Variants in OTUD4 observed in about 807,000 individuals in gnomAD.
OTUD4 encodes OTU domain-containing protein 4.
Under a neutral mutation model 130.4 loss-of-function variants are expected in OTUD4, and 24 were observed. The observed-to-expected ratio is 0.18, with a 90% CI of 0.13 to 0.26. The LOEUF (loss-of-function observed/expected upper bound fraction) is 0.26. Ranked by LOEUF, OTUD4 falls within the 10% of genes least tolerant of loss-of-function variation. OTUD4 has a pLI of 1.00. For missense variants in OTUD4, 1,031 were observed against 1,329.4 expected, an observed-to-expected ratio of 0.78 and a Z score of 3.49; for synonymous variants, 420 against 472.5, an observed-to-expected ratio of 0.89 and a Z score of 1.44.
At position 145,142,226 on chromosome 4, in the gene OTUD4, G is replaced by T. The variant is rs1240147663; in HGVS notation, c.1792C>A (p.Pro598Thr). The T allele has an allele frequency of 6.2e-7, 1 of 1,613,704 alleles. No individual in the cohort carries two copies. Among genetic ancestry groups the T allele is most frequent in the African/African-American group, 1.3e-5 (1 of 74,888 alleles). ...GGTCCAAAAGTTGTAGGTTCACTTGGCCAGGCTGGCACAGTGGCTGGTAAA... is the reference window on the plus strand; with the variant it reads ...GGTCCAAAAGTTGTAGGTTCACTTGTCCAGGCTGGCACAGTGGCTGGTAAA... The part of the protein sequence containing the change: ...PSLPATVPAW[P>T]SEPTTFGPTG... The change falls in exon 18 of 21, where the codon CCA (proline) becomes ACA (threonine). Residue 598 changes from proline to threonine, a missense_variant. Transcript: ENST00000447906.
intron 19 of OTUD4, among the ~76,000 whole-genome samples, chr4:145,140,657 G>A (rs1402385425): frequency 1.3e-5 from 2 of 152,110 alleles, no homozygotes; most frequent in Non-Finnish European, 2.9e-5. Context: ...TACTTTAACA[G>A]CCACTACATA....
chr4:145,165,314 TTAG>T (rs1751793818), intron 3 of OTUD4, 117 bp from the exon 4 acceptor site: 2 of 596,002 alleles, frequency 3.4e-6, no homozygotes, highest in Non-Finnish European at 6.0e-6. Context: ...CTCATTATTA[TTAG>T]TAGTATTGTG....
intron 7 of OTUD4, among the ~76,000 whole-genome samples, chr4:145,156,680 T>C (rs976351465): frequency 2.0e-5 from 3 of 149,886 alleles, no homozygotes; most frequent in Admixed American, 6.6e-5. Flanking sequence ...CGAAACTCCG[T>C]CTCAAAAAAA....
chr4:145,140,245 A>C (rs1750496111), intron 19 of OTUD4, among the ~76,000 whole-genome samples: 2 of 152,196 alleles, frequency 1.3e-5, no homozygotes, highest in South Asian at 4.1e-4. Flanking sequence ...TGAAATTTTT[A>C]TCTCATTAAA....
Position 145,137,685 on chromosome 4 carries a change from C to T in OTUD4, c.3090G>A (p.Val1030=), listed in dbSNP as rs779957687. The T allele has an allele frequency of 8.7e-6, 14 of 1,613,820 alleles. No homozygotes were observed. The African/African-American group carries it at 1.5e-4, about 17-fold the overall frequency. The stretch of plus-strand genomic sequence containing the variant: ...ATCTACCACTTCTCAAAATATTAGA[C>T]ACTTCATTTTCATCTTCTGAACTCT... ...KEESSEDENE[V]SNILRSGRSK... is the part of the protein sequence containing the mutation. The change falls in exon 21 of 21, where the codon GTG becomes GTA. Residue 1030 remains valine, a synonymous_variant. Transcript: ENST00000447906.
chr4:145,142,157 G>GT, intron 18 of OTUD4, 39 bp downstream of exon 18: 2 of 1,588,060 alleles, frequency 1.3e-6, no homozygotes, highest in Non-Finnish European at 8.6e-7. Context: ...GACTAGAAAG[G>GT]TATTTTGGCT....
chr4:145,178,793 T>C (rs1045940594), intron 1 of OTUD4, among the ~76,000 whole-genome samples: 3 of 152,092 alleles, frequency 2.0e-5, no homozygotes, highest in African/African-American at 7.2e-5. Flanking sequence ...TACTCACAAA[T>C]AGAAATTTTA....
At chr4:145,156,792 A>G (rs143161989) in intron 7 of OTUD4, among the ~76,000 whole-genome samples, 2 of 152,304 alleles carry the variant, frequency 1.3e-5, no homozygotes, top group East Asian at 3.9e-4. Flanking sequence ...CATATACTCA[A>G]TAAATAACTT....
chr4:145,155,942 G>T lies in OTUD4; in HGVS notation c.684C>A (p.Gly228=), dbSNP rs370541161. 3.1e-6 allele frequency: 5 copies of T among 1,608,046 alleles called. No individual in the cohort carries two copies. Among genetic ancestry groups the T allele is most frequent in the African/African-American group, 1.3e-5 (1 of 74,614 alleles). ...CCACTTTTAAAAAAAATACCTCATTGCCTGACAAAGGTTTAAATCCATTCA... is the reference window on the plus strand; with the variant it reads ...CCACTTTTAAAAAAAATACCTCATTTCCTGACAAAGGTTTAAATCCATTCA... ...ADVNGFKPLS[G]NEQLKNNGNS... is the part of the protein sequence containing the mutation. Residue 228 remains glycine, a synonymous_variant, in exon 8 of 21, where the codon GGC becomes GGA. Transcript: ENST00000447906.
Position 145,136,377 on chromosome 4 carries a change from A to T in OTUD4, c.*1053T>A, listed in dbSNP as rs1750252753. Reference sequence around the variant, plus strand: ...CCTCTAGAAAAGAACTAGAAGTCACAATCATATTATCTTCTATACAATAGT... The same window carrying T: ...CCTCTAGAAAAGAACTAGAAGTCACTATCATATTATCTTCTATACAATAGT... On this transcript the variant is annotated 3_prime_UTR_variant, in exon 21 of 21. Coordinates refer to ENST00000447906, the MANE Select transcript of OTUD4 (RefSeq NM_001366057.1). The T allele has an allele frequency of 6.7e-6, 1 of 148,910 alleles. No individual in the cohort carries two copies. The highest frequency in any genetic ancestry group is 1.5e-5 in the Non-Finnish European group (1 of 67,432). The allele number at this position is 148,910 out of a possible 1,614,324, so 9.2% of individuals were successfully genotyped here.
chr4:145,163,070 C>T (rs1381644848), intron 5 of OTUD4, among the ~76,000 whole-genome samples: 2 of 152,148 alleles, frequency 1.3e-5, no homozygotes, highest in Admixed American at 6.6e-5. Context: ...GCAAAATTTT[C>T]TAACAAGCAA....
Position 145,134,575 on chromosome 4 carries a change from T to C in OTUD4, c.*2855A>G. 1 of 397,406 alleles carries C rather than the reference T, an allele frequency of 2.5e-6. No homozygotes were observed. The highest frequency in any genetic ancestry group is 4.4e-6 in the Non-Finnish European group (1 of 225,554). 24.6% of individuals were successfully genotyped at this position (397,406 alleles called of 1,614,324 possible). On this transcript the variant is annotated 3_prime_UTR_variant, in exon 21 of 21. Coordinates refer to ENST00000447906, the MANE Select transcript of OTUD4 (RefSeq NM_001366057.1). The stretch of plus-strand genomic sequence containing the variant: ...CACGCTGCAAGAATACAGTCTGCAT[T>C]AAATAAGATATATCAGCATTGTGGT...
At chr4:145,163,166 T>C (rs528754706) in intron 5 of OTUD4, among the ~76,000 whole-genome samples, 207 of 152,322 alleles carry the variant, frequency 1.4e-3, no homozygotes, top group African/African-American at 4.4e-3. Flanking sequence ...GTTTAGAATA[T>C]AACAATATAT....
At chr4:145,162,532 A>C in intron 6 of OTUD4, 108 bp downstream of exon 6, 1 of 549,206 alleles carries the variant, frequency 1.8e-6, no homozygotes, top group East Asian at 3.5e-5. Flanking sequence ...AGCCTGGGAG[A>C]CAGAGCGAGA....
At chr4:145,153,124 C>T (rs1376011841) in intron 10 of OTUD4, among the ~76,000 whole-genome samples, 3 of 152,196 alleles carry the variant, frequency 2.0e-5, no homozygotes, top group Non-Finnish European at 2.9e-5. Flanking sequence ...AATCCATCTC[C>T]TTAACCTCCC....
chr4:145,164,914 C>G (rs1378081265), intron 4 of OTUD4, among the ~76,000 whole-genome samples: 1 of 152,006 alleles, frequency 6.6e-6, no homozygotes, highest in Non-Finnish European at 1.5e-5. Flanking sequence ...TGATATCTTA[C>G]AGAACATAGA....
chr4:145,157,966 A>AAT (rs1226677910), intron 7 of OTUD4, among the ~76,000 whole-genome samples: 1 of 152,182 alleles, frequency 6.6e-6, no homozygotes, highest in Non-Finnish European at 1.5e-5. Flanking sequence ...AATCACAGGT[A>AAT]ATAAGTTGTA....
At chr4:145,151,560 G>C (rs760525870) in intron 11 of OTUD4, among the ~76,000 whole-genome samples, 2 of 152,096 alleles carry the variant, frequency 1.3e-5, no homozygotes, top group Non-Finnish European at 1.5e-5. Context: ...ACTTGAACCC[G>C]GGAAGCGGAG....
rs1750169173 is a variant in OTUD4 at position 145,134,950 on chromosome 4, T to C, written c.*2480A>G. ...CCTCAGTTCTATACTTTTGCCTCTA[T>C]TCTCTTATAAAGAAATATGTCAACA... On this transcript the variant is annotated 3_prime_UTR_variant, in exon 21 of 21. Coordinates refer to ENST00000447906, the MANE Select transcript of OTUD4 (RefSeq NM_001366057.1). 1 of 398,506 alleles carries C rather than the reference T, an allele frequency of 2.5e-6. No individual in the cohort carries two copies. Among genetic ancestry groups the C allele is most frequent in the Non-Finnish European group, 4.4e-6 (1 of 225,772 alleles). 24.7% of individuals were successfully genotyped at this position (398,506 alleles called of 1,614,324 possible). A position where few individuals can be genotyped will look rare whatever the true frequency, so the allele number is the denominator to read the frequency against.
Sources: allele counts gnomAD v4.1 joint callset (sites outside exome capture counted in the v4.1 genomes callset), GRCh38; gene constraint gnomAD v4.1.1; transcripts MANE v1.5; gene names NCBI Gene and HGNC (gene_info 2026-07-23, HGNC 2026-07-21).